The following VEGFC variants were observed in gnomAD, a reference collection of about 807,000 sequenced individuals.
VEGFC encodes vascular endothelial growth factor C.
A neutral mutation model predicts 46.1 loss-of-function variants in VEGFC; 12 were observed. The observed-to-expected ratio is 0.26, with a 90% CI of 0.17 to 0.42. The LOEUF is 0.42. VEGFC is among the 10% of genes least tolerant of loss of function. VEGFC has a pLI of 1.00. For synonymous variants in VEGFC, 232 were observed against 195.5 expected (o/e 1.19, Z -1.56); for missense variants, 488 against 529.4 (o/e 0.92, Z 0.77).
chr4:176,736,106 C>A (rs1735048754), intron 1 of VEGFC, among the ~76,000 whole-genome samples: 1 of 151,786 alleles, frequency 6.6e-6, no homozygotes. Context: ...CTAAAAAGTA[C>A]TTCTCAATTA....
chr4:176,767,144 A>AAAAAAAC (rs765166802), intron 1 of VEGFC, among the ~76,000 whole-genome samples: 1 of 148,656 alleles, frequency 6.7e-6, no homozygotes, highest in Non-Finnish European at 1.5e-5. Context: ...AAAAAAAAAA[A>AAAAAAAC]CAACCAAAAA....
chr4:176,696,146 G>A (rs1385302063), intron 4 of VEGFC, among the ~76,000 whole-genome samples: 1 of 144,066 alleles, frequency 6.9e-6, no homozygotes, highest in Non-Finnish European at 1.5e-5. Context: ...CAATTAGGCA[G>A]GAGAAGGAAA....
At chr4:176,736,262 T>C (rs557981420) in intron 1 of VEGFC, among the ~76,000 whole-genome samples, 1 of 152,008 alleles carries the variant, frequency 6.6e-6, no homozygotes, top group South Asian at 2.1e-4. Flanking sequence ...AAAATGCCCA[T>C]ATTTTGTATA....
At chr4:176,739,356 T>C (rs1735115997) in intron 1 of VEGFC, among the ~76,000 whole-genome samples, 1 of 151,748 alleles carries the variant, frequency 6.6e-6, no homozygotes, top group Non-Finnish European at 1.5e-5. Flanking sequence ...TGCCCATCAA[T>C]GATAGACTGG....
chr4:176,751,024 CATTT>C (rs1735334031), intron 1 of VEGFC, among the ~76,000 whole-genome samples: 1 of 151,542 alleles, frequency 6.6e-6, no homozygotes, highest in South Asian at 2.1e-4. Context: ...GAAATGGATA[CATTT>C]ATTTAATAAA....
At chr4:176,760,768 T>A (rs983312951) in intron 1 of VEGFC, among the ~76,000 whole-genome samples, 2 of 152,166 alleles carry the variant, frequency 1.3e-5, no homozygotes, top group Non-Finnish European at 2.9e-5. Flanking sequence ...CCTCAAATAC[T>A]CCATTCATTA....
chr4:176,766,889 A>G (rs1171406427), intron 1 of VEGFC, among the ~76,000 whole-genome samples: 1 of 151,966 alleles, frequency 6.6e-6, no homozygotes, highest in African/African-American at 2.4e-5. Flanking sequence ...CTTCTACAAG[A>G]CTATTTTCAT....
intron 1 of VEGFC, among the ~76,000 whole-genome samples, chr4:176,776,396 G>A (rs947542794): frequency 2.0e-5 from 3 of 152,282 alleles, no homozygotes; most frequent in East Asian, 3.9e-4. Flanking sequence ...TTTTTTCTTC[G>A]TTTTTTAAAC....
rs70964805 is a variant in VEGFC, at chr4:176,767,123, T to TAAAAA, written c.147+25037_147+25041dup. 5.4e-3 allele frequency among the ~76,000 whole-genome samples: 273 copies of TAAAAA among 50,394 alleles called. 6 individuals carry two copies. Among genetic ancestry groups the TAAAAA allele is most frequent in the African/African-American group, 8.0e-3 (97 of 12,074 alleles). 33.1% of individuals were successfully genotyped at this position (50,394 alleles called of 152,430 possible). Reference sequence around the variant, plus strand: ...ATCATGTAAAGGAATTGTAGAAATCTAAAAAAAAAAAAAAAAAAAAACAAC... The same window carrying TAAAAA: ...ATCATGTAAAGGAATTGTAGAAATCTAAAAAAAAAAAAAAAAAAAAAAAAAACAAC... On this transcript the variant is annotated intron_variant, in intron 1 of 6. Coordinates refer to ENST00000618562, the MANE Select transcript of VEGFC (RefSeq NM_005429.5).
chr4:176,714,049 T>G (rs1734659665), intron 3 of VEGFC, among the ~76,000 whole-genome samples: 1 of 152,156 alleles, frequency 6.6e-6, no homozygotes, highest in African/African-American at 2.4e-5. Flanking sequence ...AGGGCTCAAG[T>G]GGCTCAGACC....
intron 4 of VEGFC, among the ~76,000 whole-genome samples, chr4:176,711,029 T>TACAC (rs140093711): frequency 6.6e-6 from 1 of 151,970 alleles, no homozygotes; most frequent in Non-Finnish European, 1.5e-5. Context: ...TATACACATA[T>TACAC]ACACACACAC....
At position 176,792,435 on chromosome 4, in the gene VEGFC, C is replaced by T. The variant is rs375857166; in HGVS notation, c.-124G>A. On this transcript the variant is annotated 5_prime_UTR_variant, in exon 1 of 7. Transcript: ENST00000618562. The surrounding 1 kb of genome is among the most constrained non-coding windows in gnomAD (Gnocchi z 6.3). ...CCCCGGGCTCCTCCCGGCGACCCCC[C>T]CTGGGCGAGCCGGAGGCGGCGGGAG... is the stretch of plus-strand genomic sequence containing the variant. The T allele has an allele frequency of 2.8e-6, 2 of 717,616 alleles. No individual in the cohort carries two copies. The highest frequency in any genetic ancestry group is 3.5e-5 in the East Asian group (1 of 28,634). 44.5% of individuals were successfully genotyped at this position (717,616 alleles called of 1,614,324 possible). A position where few individuals can be genotyped will look rare whatever the true frequency, so the allele number is the denominator to read the frequency against.
chr4:176,792,436 C>G lies in VEGFC; in HGVS notation c.-125G>C. On this transcript the variant is annotated 5_prime_UTR_variant, in exon 1 of 7. Transcript: ENST00000618562. The surrounding 1 kb of genome is among the most constrained non-coding windows in gnomAD (Gnocchi z 6.3). ...CCCGGGCTCCTCCCGGCGACCCCCC[C>G]TGGGCGAGCCGGAGGCGGCGGGAGC... is the stretch of plus-strand genomic sequence containing the variant. 1.4e-6 allele frequency: 1 copy of G among 720,700 alleles called. No individual in the cohort carries two copies. Among genetic ancestry groups the G allele is most frequent in the Non-Finnish European group, 2.0e-6 (1 of 501,842 alleles). 44.6% of individuals were successfully genotyped at this position (720,700 alleles called of 1,614,324 possible).
intron 1 of VEGFC, among the ~76,000 whole-genome samples, chr4:176,775,281 T>C (rs1011991416): frequency 6.6e-6 from 1 of 152,212 alleles, no homozygotes; most frequent in African/African-American, 2.4e-5. Context: ...AAGAGAAATA[T>C]GTTGTGTTCA....
chr4:176,752,057 T>C (rs1198113642), intron 1 of VEGFC, among the ~76,000 whole-genome samples: 3 of 152,002 alleles, frequency 2.0e-5, no homozygotes, highest in Non-Finnish European at 4.4e-5. Context: ...TTCTGAAAAA[T>C]TCAGTATACA....
chr4:176,787,957 T>C (rs1396404602), intron 1 of VEGFC, among the ~76,000 whole-genome samples: 1 of 152,190 alleles, frequency 6.6e-6, no homozygotes, highest in Non-Finnish European at 1.5e-5. Flanking sequence ...TAACAAAAGG[T>C]AGACCCATAT....
intron 4 of VEGFC, among the ~76,000 whole-genome samples, chr4:176,706,570 G>C (rs1734538499): frequency 1.5e-5 from 2 of 130,204 alleles, no homozygotes; most frequent in South Asian, 5.2e-4. Flanking sequence ...AGGTTGCAGT[G>C]AGCTGAGATC....
intron 1 of VEGFC, among the ~76,000 whole-genome samples, chr4:176,731,076 T>C (rs1231324541): frequency 6.6e-6 from 1 of 152,072 alleles, no homozygotes; most frequent in Non-Finnish European, 1.5e-5. Flanking sequence ...AAAATATTTA[T>C]ATTATTCCAT....
intron 2 of VEGFC, among the ~76,000 whole-genome samples, chr4:176,728,888 G>C (rs1734915751): frequency 6.6e-6 from 1 of 152,020 alleles, no homozygotes; most frequent in Non-Finnish European, 1.5e-5. Flanking sequence ...TTTTAATAGA[G>C]ATGAGGTCTT....
Sources: allele counts gnomAD v4.1 joint callset (sites outside exome capture counted in the v4.1 genomes callset), GRCh38; gene constraint gnomAD v4.1.1; non-coding constraint Gnocchi (gnomAD v3.1); transcripts MANE v1.5; gene names NCBI Gene and HGNC (gene_info 2026-07-23, HGNC 2026-07-21).